Variants in EPB41L3 observed in about 807,000 individuals in gnomAD.
EPB41L3 encodes erythrocyte membrane protein band 4.1 like 3, also known as band 4.1-like protein 3.
EPB41L3 carries 57 observed loss-of-function variants against 127.1 expected under a neutral mutation model. The observed-to-expected ratio is 0.45, with a 90% confidence interval of 0.36 to 0.56. The LOEUF (loss-of-function observed/expected upper bound fraction) is 0.56, where lower values mean the gene tolerates loss of function less well. Among genes scored for constraint, EPB41L3 ranks in the 20% least tolerant of loss-of-function variants. The pLI is 0.00. For missense variants in EPB41L3, 1,273 were observed against 1,372.2 expected (o/e 0.93, Z 1.14); for synonymous variants, 572 against 549.5 (o/e 1.04, Z -0.57).
At chr18:5,541,048 G>C (rs2093707786) in intron 1 of EPB41L3, among the ~76,000 whole-genome samples, 1 of 132,356 alleles carries the variant, frequency 7.6e-6, no homozygotes, top group Non-Finnish European at 1.6e-5. Context: ...TCGCACCACT[G>C]CACTCCAGCC....
intron 15 of EPB41L3, chr18:5,407,324 C>T: frequency 2.6e-6 from 1 of 388,118 alleles, no homozygotes; most frequent in Non-Finnish European, 4.6e-6. Context: ...GAAGTCATCC[C>T]CACTTATTAA....
At chr18:5,610,416 C>A in intron 3 of EPB41L3, 2 of 444,178 alleles carry the variant, frequency 4.5e-6, no homozygotes, top group Non-Finnish European at 6.0e-6. Context: ...ATGAGACATC[C>A]AAAGTGATCT....
intron 12 of EPB41L3, among the ~76,000 whole-genome samples, chr18:5,419,285 T>C (rs1418171559): frequency 6.6e-6 from 1 of 152,222 alleles, no homozygotes; most frequent in Non-Finnish European, 1.5e-5. Flanking sequence ...TCACTCCATG[T>C]ACTTACAGTC....
intron 16 of EPB41L3, among the ~76,000 whole-genome samples, chr18:5,402,025 A>G (rs1239016166): frequency 6.6e-6 from 1 of 152,104 alleles, no homozygotes; most frequent in Admixed American, 6.5e-5. Flanking sequence ...CTAAAAATCT[A>G]CCAGTACTAC....
chr18:5,398,000 A>T lies in EPB41L3; in HGVS notation c.2472+21T>A, dbSNP rs1430748145. The T allele has an allele frequency of 6.2e-7, 1 of 1,614,060 alleles. No homozygotes were observed. The highest frequency in any genetic ancestry group is 1.1e-5 in the South Asian group (1 of 91,086). ...CACATGGGCACATTCAGAAACACCA[A>T]GGACGAAAACAAATGGCCACCTGAA... is the stretch of plus-strand genomic sequence containing the variant. On this transcript the variant is annotated intron_variant, in intron 17 of 22. Coordinates refer to ENST00000341928, the MANE Select transcript of EPB41L3 (RefSeq NM_012307.5). This position sits in a 1 kb window ranked among gnomAD's most constrained non-coding sequence, Gnocchi z 4.1.
chr18:5,614,804 A>G (rs2144102501), intron 1 of EPB41L3, among the ~76,000 whole-genome samples: 1 of 152,346 alleles, frequency 6.6e-6, no homozygotes, highest in African/African-American at 2.4e-5. Context: ...TAATTATTTT[A>G]ATATGCAGTT....
At chr18:5,406,256 CA>C (rs2075367382) in intron 16 of EPB41L3, among the ~76,000 whole-genome samples, 1 of 151,244 alleles carries the variant, frequency 6.6e-6, no homozygotes, top group Non-Finnish European at 1.5e-5. Context: ...GTCTTAAAAA[CA>C]AAAAACAAAA....
chr18:5,548,247 T>C (rs1343098981), upstream of EPB41L3, among the ~76,000 whole-genome samples: 3 of 152,240 alleles, frequency 2.0e-5, no homozygotes, highest in South Asian at 4.1e-4. Flanking sequence ...AGCTTATTCT[T>C]CTGAAATAAA....
intron 3 of EPB41L3, among the ~76,000 whole-genome samples, chr18:5,568,784 T>C (rs1402487568): frequency 6.6e-6 from 1 of 152,178 alleles, no homozygotes; most frequent in South Asian, 2.1e-4. Context: ...AATTTAGAAG[T>C]TGTTGCAGGA....
intron 3 of EPB41L3, among the ~76,000 whole-genome samples, chr18:5,604,462 T>C (rs2094626208): frequency 6.6e-6 from 1 of 152,168 alleles, no homozygotes; most frequent in Admixed American, 6.5e-5. Context: ...ACCATTTCTT[T>C]CTCTTTTTTT....
intron 1 of EPB41L3, among the ~76,000 whole-genome samples, chr18:5,511,148 G>A (rs2092490367): frequency 6.6e-6 from 1 of 152,012 alleles, no homozygotes; most frequent in Non-Finnish European, 1.5e-5. Flanking sequence ...ACCAGAGGCA[G>A]ACAACAGATT....
chr18:5,551,082 C>T (rs1619854), intron 3 of EPB41L3, among the ~76,000 whole-genome samples: 35,749 of 152,070 alleles, frequency 0.24, 5,780 homozygotes, highest in African/African-American at 0.46. Flanking sequence ...CATGATATTG[C>T]TTTTGGAGTC....
intron 3 of EPB41L3, among the ~76,000 whole-genome samples, chr18:5,589,529 G>A (rs187833142): frequency 3.9e-5 from 6 of 152,268 alleles, no homozygotes; most frequent in African/African-American, 1.4e-4. Flanking sequence ...ACTTAATTGT[G>A]TTTAGATGAG....
chr18:5,399,740 A>C (rs2074183011), intron 16 of EPB41L3: 1 of 168,972 alleles, frequency 5.9e-6, no homozygotes, highest in Admixed American at 6.3e-5. Context: ...ACTTAGCTTT[A>C]CATGTGTGGG....
upstream of EPB41L3, among the ~76,000 whole-genome samples, chr18:5,546,087 C>T (rs2093876901): frequency 6.6e-6 from 1 of 152,068 alleles, no homozygotes; most frequent in Admixed American, 6.6e-5. Context: ...CATTTTGTTG[C>T]AGTATTTTTG....
At chr18:5,456,471 T>C (rs926416762) in intron 3 of EPB41L3, among the ~76,000 whole-genome samples, 17 of 152,294 alleles carry the variant, frequency 1.1e-4, no homozygotes, top group Admixed American at 3.3e-4. Flanking sequence ...GAAATGTAAA[T>C]AAGTGGTTAA....
intron 16 of EPB41L3, chr18:5,400,894 A>C: frequency 1.1e-6 from 1 of 894,728 alleles, no homozygotes; most frequent in Non-Finnish European, 1.7e-6. Flanking sequence ...GGAAAATAAA[A>C]ACTAAGAGCA....
chr18:5,415,224 AAACTGCTCTG>A (rs1409565186), intron 13 of EPB41L3, among the ~76,000 whole-genome samples: 12 of 152,284 alleles, frequency 7.9e-5, no homozygotes, highest in African/African-American at 2.9e-4. Context: ...TGGGTGCTTT[AAACTGCTCTG>A]ACACAATACA....
chr18:5,483,123 T>C (rs1009214788), intron 2 of EPB41L3, among the ~76,000 whole-genome samples: 8 of 152,072 alleles, frequency 5.3e-5, no homozygotes, highest in African/African-American at 1.9e-4. Flanking sequence ...ATATGCAAAT[T>C]GAGACAACTA....
Sources: gnomAD v4.1 joint callset for allele counts (sites outside exome capture counted in the v4.1 genomes callset) on GRCh38, gnomAD v4.1.1 for gene constraint, Gnocchi (gnomAD v3.1) non-coding constraint, MANE v1.5 for transcripts, NCBI Gene and HGNC (gene_info 2026-07-23, HGNC 2026-07-21) for gene names.